Variants in GIGYF2 observed in about 807,000 individuals in gnomAD.
GIGYF2 encodes the protein GRB10-interacting GYF protein 2.
In GIGYF2, 25 loss-of-function variants were observed where a neutral mutation model predicts 208.1. That is an observed-to-expected ratio of 0.12 (90% CI 0.09 to 0.17). GIGYF2 has a LOEUF of 0.17. GIGYF2 is among the 10% of genes least tolerant of loss of function. GIGYF2 has a pLI of 1.00. For missense variants in GIGYF2, 1,302 were observed against 1,579.4 expected (o/e 0.82, Z 2.98); for synonymous variants, 534 against 543.8 (o/e 0.98, Z 0.25).
chr2:232,749,985 G>A (rs1185633293), intron 5 of GIGYF2, among the ~76,000 whole-genome samples: 1 of 152,172 alleles, frequency 6.6e-6, no homozygotes, highest in Admixed American at 6.5e-5. Flanking sequence ...AGGAGTTCGA[G>A]ACTAGCCTGG....
chr2:232,835,471 G>A (rs1429716673), intron 22 of GIGYF2, among the ~76,000 whole-genome samples: 2 of 152,092 alleles, frequency 1.3e-5, no homozygotes, highest in African/African-American at 2.4e-5. Context: ...CTCACAGGCA[G>A]TTTTTGTTGC....
At chr2:232,733,182 G>T (rs1412285244) in intron 2 of GIGYF2, among the ~76,000 whole-genome samples, 3 of 151,608 alleles carry the variant, frequency 2.0e-5, no homozygotes, top group African/African-American at 2.4e-5. Context: ...GTGTGAACCC[G>T]GGAGGCGGAG....
chr2:232,720,996 A>G (rs1167697383), intron 2 of GIGYF2, among the ~76,000 whole-genome samples: 2 of 152,214 alleles, frequency 1.3e-5, no homozygotes, highest in Admixed American at 6.5e-5. Flanking sequence ...AGAAAAGGCC[A>G]GAGGAGGGAG....
At chr2:232,703,283 AT>A (rs1398539378) in intron 1 of GIGYF2, 140 bp from the exon 2 acceptor site, 82 of 152,726 alleles carry the variant, frequency 5.4e-4, no homozygotes, top group African/African-American at 1.8e-3. Context: ...AACCTAGTTT[AT>A]AAATACACCA....
intron 2 of GIGYF2, among the ~76,000 whole-genome samples, chr2:232,709,052 G>A (rs558469123): frequency 6.6e-6 from 1 of 152,116 alleles, no homozygotes; most frequent in Non-Finnish European, 1.5e-5. Context: ...AACCTGGGAG[G>A]TGGAGGTTGC....
chr2:232,715,359 C>T (rs137936407), intron 2 of GIGYF2, among the ~76,000 whole-genome samples: 1,866 of 152,104 alleles, frequency 0.012, 45 homozygotes, highest in African/African-American at 0.042. Flanking sequence ...TATTGGGTTG[C>T]AGTGTTTATC....
At chr2:232,833,893 T>C (rs1481175324) in intron 22 of GIGYF2, among the ~76,000 whole-genome samples, 1 of 152,092 alleles carries the variant, frequency 6.6e-6, no homozygotes, top group African/African-American at 2.4e-5. Context: ...TTTTTTTTTT[T>C]TTAATAAGGA....
rs1454089167 is a variant in GIGYF2 at position 232,860,089 on chromosome 2, G to A, written c.*3229G>A. 1 of 152,166 alleles carries A rather than the reference G, an allele frequency of 6.6e-6. No individual in the cohort carries two copies. Among genetic ancestry groups the A allele is most frequent in the African/African-American group, 2.4e-5 (1 of 41,438 alleles). The allele number at this position is 152,166 out of a possible 1,614,324, so 9.4% of individuals were successfully genotyped here. A position where few individuals can be genotyped will look rare whatever the true frequency, so the allele number is the denominator to read the frequency against. ...TGGGAGATATTATAGCCATTTTTGG[G>A]AAATATCTGCATAAAATGAGTTTAT... is the stretch of plus-strand genomic sequence containing the variant. On this transcript the variant is annotated 3_prime_UTR_variant, in exon 29 of 29. Coordinates refer to ENST00000373563, the MANE Select transcript of GIGYF2 (RefSeq NM_001103146.3).
At chr2:232,850,804 C>T (rs753740586) in intron 28 of GIGYF2, among the ~76,000 whole-genome samples, 18 of 152,090 alleles carry the variant, frequency 1.2e-4, no homozygotes, top group Non-Finnish European at 2.1e-4. Context: ...TCAGGTGTTC[C>T]AAGAAGAGAA....
chr2:232,736,867 C>T (rs763753254), intron 3 of GIGYF2, among the ~76,000 whole-genome samples: 1 of 152,098 alleles, frequency 6.6e-6, no homozygotes, highest in Non-Finnish European at 1.5e-5. Context: ...TTTTTTTCAG[C>T]ATCCTGCTGT....
intron 23 of GIGYF2, among the ~76,000 whole-genome samples, chr2:232,841,794 C>T (rs1252990783): frequency 2.0e-5 from 3 of 152,102 alleles, no homozygotes; most frequent in Admixed American, 6.6e-5. Context: ...CCAATCAGGA[C>T]ACTCTCAGCT....
chr2:232,724,207 ATTTTTTT>A (rs1163865821), intron 2 of GIGYF2, among the ~76,000 whole-genome samples: 30,375 of 114,254 alleles, frequency 0.27, 3,744 homozygotes, highest in Middle Eastern at 0.38. Context: ...ACACCTGGCT[ATTTTTTT>A]TTTTTTTTTT....
At position 232,756,290 on chromosome 2, in the gene GIGYF2, C is replaced by G; in HGVS notation, c.335C>G (p.Thr112Arg). The change falls in exon 6 of 29, where the codon ACA becomes AGA. Residue 112 changes from threonine to arginine, a missense_variant. Physicochemically the swap from Thr to Arg is moderately conservative, Grantham distance 71 (BLOSUM62 -1). Transcript: ENST00000373563. ...LRLTGRGGGG[T>R]VVGAPRGRSS... ...TTGACAGGACGAGGAGGAGGAGGAA[C>G]AGTGGTGGGGGCTCCTAGAGGTCGA... 1 of 1,579,214 alleles carries G rather than the reference C, an allele frequency of 6.3e-7. No individual in the cohort carries two copies. The highest frequency in any genetic ancestry group is 8.5e-7 in the Non-Finnish European group (1 of 1,170,120).
intron 14 of GIGYF2, among the ~76,000 whole-genome samples, chr2:232,797,094 A>G (rs972226282): frequency 5.3e-5 from 8 of 150,856 alleles, no homozygotes; most frequent in Admixed American, 5.3e-4. Flanking sequence ...TTTTTTTTCA[A>G]GTGGAGTTGA....
intron 2 of GIGYF2, chr2:232,734,472 G>C (rs1697645367): frequency 6.6e-6 from 1 of 152,144 alleles, no homozygotes; most frequent in African/African-American, 2.4e-5. Flanking sequence ...GCCTCCCAAA[G>C]CGCTGGATTT....
chr2:232,787,099 G>A (rs1446843319), intron 8 of GIGYF2, 51 bp from the exon 9 acceptor site: 12 of 1,370,582 alleles, frequency 8.8e-6, no homozygotes, highest in Non-Finnish European at 1.3e-5. Context: ...TGTTTTCAAA[G>A]CCTATACTGG....
chr2:232,774,597 G>A (rs1477784514), intron 8 of GIGYF2, among the ~76,000 whole-genome samples: 2 of 152,098 alleles, frequency 1.3e-5, no homozygotes, highest in Non-Finnish European at 2.9e-5. Context: ...ATGGAAGAAG[G>A]ATATAACAAT....
intron 8 of GIGYF2, among the ~76,000 whole-genome samples, chr2:232,761,893 C>G (rs80008050): frequency 6.9e-6 from 1 of 144,382 alleles, no homozygotes; most frequent in Non-Finnish European, 1.5e-5. Flanking sequence ...AAAAAAATAA[C>G]TCAGATAAAT....
chr2:232,828,195 C>T (rs1701308674), intron 21 of GIGYF2, among the ~76,000 whole-genome samples: 1 of 152,132 alleles, frequency 6.6e-6, no homozygotes, highest in Admixed American at 6.5e-5. Flanking sequence ...CCATGTTGCC[C>T]AGTCTGGTCT....
Sources: gnomAD v4.1 joint callset for allele counts (sites outside exome capture counted in the v4.1 genomes callset) on GRCh38, gnomAD v4.1.1 for gene constraint, MANE v1.5 for transcripts, NCBI Gene and HGNC (gene_info 2026-07-23, HGNC 2026-07-21) for gene names.